The following REC8 variants were observed in gnomAD, a reference collection of about 807,000 sequenced individuals.
REC8 encodes meiotic recombination protein REC8 homolog.
In REC8, 42 loss-of-function variants were observed where a neutral mutation model predicts 78.3. The observed-to-expected ratio is 0.54, with a 90% CI of 0.42 to 0.69. The LOEUF (loss-of-function observed/expected upper bound fraction) is 0.69. Among genes scored for constraint, REC8 ranks in the 30% least tolerant of loss-of-function variants. REC8 has a pLI of 0.00. For synonymous variants in REC8, 268 were observed against 274.1 expected, an observed-to-expected ratio of 0.98 and a Z score of 0.22; for missense variants, 581 against 715.8, an observed-to-expected ratio of 0.81 and a Z score of 2.15.
Position 24,180,227 on chromosome 14 carries a change from A to C in REC8, c.*132A>C. 3.8e-6 allele frequency: 6 copies of C among 1,588,836 alleles called. No homozygotes were observed. The highest frequency in any genetic ancestry group is 5.1e-6 in the Non-Finnish European group (6 of 1,165,784). ...CTTCTTGCTCTCAGAGCTATTGTTCAAGCAGAAAACAAGCTGCTTTTATTA... is the reference window on the plus strand; with the variant it reads ...CTTCTTGCTCTCAGAGCTATTGTTCCAGCAGAAAACAAGCTGCTTTTATTA... On this transcript the variant is annotated 3_prime_UTR_variant, in exon 19 of 19. Transcript: ENST00000611366.
downstream of REC8, chr14:24,180,864 C>T (rs2039125705): frequency 1.2e-6 from 1 of 831,100 alleles, no homozygotes; most frequent in Admixed American, 2.7e-5. Context: ...GGGGTGGTTG[C>T]ACCTGGTACT....
intron 7 of REC8, 67 bp downstream of exon 7, chr14:24,176,968 G>T: frequency 6.9e-7 from 1 of 1,441,532 alleles, no homozygotes. Context: ...TGTCCCCAGA[G>T]TCCTGCCTTT....
At chr14:24,174,478 A>T (rs941190258) in intron 5 of REC8, among the ~76,000 whole-genome samples, 2 of 151,644 alleles carry the variant, frequency 1.3e-5, no homozygotes, top group Non-Finnish European at 2.9e-5. Context: ...GAGTTTCATC[A>T]TGTTGGTCAG....
rs780010233 is a variant in REC8, at chr14:24,172,956, G to A, written c.183G>A (p.Pro61=). 86 of 1,610,044 alleles carry A rather than the reference G, an allele frequency of 5.3e-5. 1 individual carries two copies. The South Asian group carries it at 9.3e-4, about 17-fold the overall frequency. ...VRVQPPQPGL[P]RPRFSLYLSA... The stretch of plus-strand genomic sequence containing the variant: ...TGCAACCCCCGCAGCCCGGCCTGCC[G>A]CGGCCCCGCTTCTCCCTCTATCTCT... The change falls in exon 3 of 19, where the codon CCG becomes CCA. Residue 61 remains proline (P), a synonymous_variant. Transcript: ENST00000611366.
chr14:24,178,107 C>G lies in REC8; in HGVS notation c.881C>G (p.Pro294Arg), dbSNP rs35425516. Residue 294 changes from proline to arginine, a missense_variant, in exon 12 of 19, where the codon CCC becomes CGC. Transcript: ENST00000611366. ...ACTCAACAGAGGAGGCCCCCAGTCC[C>G]CCCACCTCCTCGCCGCCGCCGTCGT... ...PPSPERRPPV[P>R]PPPRRRRRRR... The G allele has an allele frequency of 6.2e-7, 1 of 1,613,554 alleles. No homozygotes were observed. The highest frequency in any genetic ancestry group is 8.5e-7 in the Non-Finnish European group (1 of 1,179,718).
intron 7 of REC8, 101 bp from the exon 8 acceptor site, chr14:24,177,040 C>T (rs2038927324): frequency 7.3e-7 from 1 of 1,370,292 alleles, no homozygotes; most frequent in Admixed American, 1.8e-5. Context: ...TTCCTTGAAC[C>T]TGGCCCTGTG....
In REC8 at chr14:24,175,644, T is replaced by C. The variant is rs898797355; in HGVS notation, c.544+20T>C. ...AGCCAGGTCAGCAGAGAGAACCTTC[T>C]TTCTGGTGAGAGGCATAGGCAGGCC... On this transcript the variant is annotated intron_variant, in intron 6 of 18. Transcript: ENST00000611366. 2 of 1,596,832 alleles carry C rather than the reference T, an allele frequency of 1.3e-6. No homozygotes were observed. The highest frequency in any genetic ancestry group is 1.1e-5 in the South Asian group (1 of 90,768).
rs776295720 is a variant in REC8 at position 24,177,391 on chromosome 14, C to A, written c.737+8C>A. ...ACCTCCAGCTCCTGCAGAGTAAGGG[C>A]AAGAACTCCTAGACCAGGTAGGGTG... On this transcript the variant is annotated splice_region_variant and intron_variant, in intron 9 of 18. Coordinates refer to ENST00000611366, the MANE Select transcript of REC8 (RefSeq NM_001048205.2). 6 of 1,614,034 alleles carry A rather than the reference C, an allele frequency of 3.7e-6. No individual in the cohort carries two copies. The highest frequency in any genetic ancestry group is 1.3e-5 in the African/African-American group (1 of 74,906).
Position 24,177,169 on chromosome 14 carries a change from G to A in REC8, c.653G>A (p.Arg218His), listed in dbSNP as rs759288187. 3.1e-6 allele frequency: 5 copies of A among 1,613,954 alleles called. No individual in the cohort carries two copies. Among genetic ancestry groups the A allele is most frequent in the East Asian group, 4.5e-5 (2 of 44,888 alleles). ...EGERELPEVS[R>H]RELDLLIAEE... ...GAACGGGAGCTCCCAGAGGTCAGCC[G>A]CCGAGAACTGGACCTGCTGATCGCA... The change falls in exon 8 of 19, where the codon CGC becomes CAC. Residue 218 changes from arginine (R) to histidine (H), a missense_variant. By Grantham distance (29) the Arg-to-His change is conservative (BLOSUM62 0). Coordinates refer to ENST00000611366, the MANE Select transcript of REC8 (RefSeq NM_001048205.2).
At position 24,173,427 on chromosome 14, in the gene REC8, CAAGACTCGTGAA is replaced by C. The variant is rs752193005; in HGVS notation, c.462+17_462+28del. ...TATCCCTCAGGTAGGGCTCATTCCC[CAAGACTCGTGAA>C]TTGGCAATGCAGAAGGGGAGTGCTG... On this transcript the variant is annotated intron_variant, in intron 5 of 18. Transcript: ENST00000611366. 5 of 1,613,428 alleles carry C rather than the reference CAAGACTCGTGAA, an allele frequency of 3.1e-6. No homozygotes were observed. In the South Asian group the frequency reaches 5.5e-5, roughly 18 times the overall value.
In REC8 at chr14:24,178,231, A is replaced by C. The variant is rs1479161869; in HGVS notation, c.996+9A>C. ...CCCACTGCTGGGAATGTGTGAGTGCAGCCCAGGCTTTGCCGGGGAAGGGAG... is the reference window on the plus strand; with the variant it reads ...CCCACTGCTGGGAATGTGTGAGTGCCGCCCAGGCTTTGCCGGGGAAGGGAG... On this transcript the variant is annotated intron_variant, in intron 12 of 18. Transcript: ENST00000611366. 7 of 1,611,482 alleles carry C rather than the reference A, an allele frequency of 4.3e-6. No individual in the cohort carries two copies. The highest frequency in any genetic ancestry group is 5.9e-6 in the Non-Finnish European group (7 of 1,177,942).
Position 24,177,237 on chromosome 14 carries a change from C to T in REC8, c.706+15C>T. ...CTTGTTAGAAAGTAGGTGTCTCCGG[C>T]AGCGTAGGGCCCGCCTGGAGCTGGA... On this transcript the variant is annotated intron_variant, in intron 8 of 18. Coordinates refer to ENST00000611366, the MANE Select transcript of REC8 (RefSeq NM_001048205.2). 1.9e-6 allele frequency: 3 copies of T among 1,613,244 alleles called. No individual in the cohort carries two copies. Among genetic ancestry groups the T allele is most frequent in the African/African-American group, 1.3e-5 (1 of 75,012 alleles).
chr14:24,179,478 T>C lies in REC8; in HGVS notation c.1319+15T>C, dbSNP rs749917499. 1.9e-6 allele frequency: 3 copies of C among 1,613,984 alleles called. No homozygotes were observed. In the Admixed American group the frequency reaches 5.0e-5, roughly 27 times the overall value. On this transcript the variant is annotated intron_variant, in intron 16 of 18. Transcript: ENST00000611366. ...GAAGAACGGTGGTAAGCGGCCAGGC[T>C]CCGTGGGAGCCAGGGCCCACAGCCC...
chr14:24,177,031 T>C, intron 7 of REC8, 110 bp from the exon 8 acceptor site: 1 of 1,336,886 alleles, frequency 7.5e-7, no homozygotes, highest in South Asian at 1.2e-5. Flanking sequence ...CCCAGTGGCT[T>C]CCTTGAACCT....
rs1167055394 is a variant in REC8 at position 24,177,744 on chromosome 14, C to A, written c.850C>A (p.Pro284Thr). ...CCCGGAGGAGCTGCGTCTGCCAGCC[C>A]CACCCAGCCCAGAGGTGAGTAGCCT... ...TPPEELRLPAPPSPERRPPVP... is the reference protein window; with the variant it reads ...TPPEELRLPATPSPERRPPVP... Residue 284 changes from proline (P) to threonine (T), a missense_variant, in exon 11 of 19, where the codon CCA (proline) becomes ACA (threonine). Transcript: ENST00000611366. 1 of 1,608,800 alleles carries A rather than the reference C, an allele frequency of 6.2e-7. No individual in the cohort carries two copies. Among genetic ancestry groups the A allele is most frequent in the Non-Finnish European group, 8.5e-7 (1 of 1,177,562 alleles).
At position 24,172,198 on chromosome 14, in the gene REC8, G is replaced by A; in HGVS notation, c.-355G>A. 1 of 296,378 alleles carries A rather than the reference G, an allele frequency of 3.4e-6. No individual in the cohort carries two copies. Among genetic ancestry groups the A allele is most frequent in the Non-Finnish European group, 6.4e-6 (1 of 157,044 alleles). The allele number at this position is 296,378 out of a possible 1,614,324, so 18.4% of individuals were successfully genotyped here. On this transcript the variant is annotated 5_prime_UTR_variant, in exon 1 of 19. Transcript: ENST00000611366. The stretch of plus-strand genomic sequence containing the variant: ...CGAGGCCTGCTGTGGAGGACACCGT[G>A]CTCCCTCGGGACCTGCTCTGGATTC...
At position 24,178,228 on chromosome 14, in the gene REC8, T is replaced by G. The variant is rs779226750; in HGVS notation, c.996+6T>G. 2.5e-6 allele frequency: 4 copies of G among 1,612,602 alleles called. No homozygotes were observed. In the South Asian group the frequency reaches 3.3e-5, roughly 13 times the overall value. On this transcript the variant is annotated splice_donor_region_variant and intron_variant, in intron 12 of 18. Transcript: ENST00000611366. Reference sequence around the variant, plus strand: ...GAGCCCACTGCTGGGAATGTGTGAGTGCAGCCCAGGCTTTGCCGGGGAAGG... The same window carrying G: ...GAGCCCACTGCTGGGAATGTGTGAGGGCAGCCCAGGCTTTGCCGGGGAAGG...
chr14:24,175,679 T>C, intron 6 of REC8, 55 bp downstream of exon 6: 1 of 1,405,498 alleles, frequency 7.1e-7, no homozygotes, highest in Non-Finnish European at 1.0e-6. Flanking sequence ...CCAAGAGCTG[T>C]AGAAATGACC....
rs372852976 is a variant in REC8 at position 24,180,129 on chromosome 14, C to T, written c.*34C>T. 26 of 1,613,964 alleles carry T rather than the reference C, an allele frequency of 1.6e-5. No individual in the cohort carries two copies. Among genetic ancestry groups the T allele is most frequent in the African/African-American group, 1.5e-4 (11 of 74,924 alleles). On this transcript the variant is annotated 3_prime_UTR_variant, in exon 19 of 19. Coordinates refer to ENST00000611366, the MANE Select transcript of REC8 (RefSeq NM_001048205.2). ...TCCATTTACAAAGCTGCCAGGAAACCGGCCACTTCTAGTAAACCACGTCGT... is the reference window on the plus strand; with the variant it reads ...TCCATTTACAAAGCTGCCAGGAAACTGGCCACTTCTAGTAAACCACGTCGT...
Sources: gnomAD v4.1 joint callset for allele counts (sites outside exome capture counted in the v4.1 genomes callset) on GRCh38, gnomAD v4.1.1 for gene constraint, MANE v1.5 for transcripts, NCBI Gene and HGNC (gene_info 2026-07-23, HGNC 2026-07-21) for gene names.